PNPT1: variants seen among roughly 807,000 people sequenced by gnomAD.
PNPT1 encodes the protein polyribonucleotide nucleotidyltransferase 1.
In PNPT1, 53 loss-of-function variants were observed where a neutral mutation model predicts 119.5. That is an observed-to-expected ratio of 0.44 (90% CI 0.36 to 0.56). The LOEUF is 0.56. Among genes scored for constraint, PNPT1 ranks in the 20% least tolerant of loss-of-function variants. The probability of loss-of-function intolerance (pLI) is 0.00; values close to 1 mark genes in which losing one functional copy is unlikely to be tolerated. For synonymous variants in PNPT1, 357 were observed against 322.1 expected (o/e 1.11, Z -1.16); for missense variants, 948 against 938.5 (o/e 1.01, Z -0.13).
At chr2:55,654,843 A>C in intron 18 of PNPT1, 57 bp downstream of exon 18, 4 of 1,355,138 alleles carry the variant, frequency 3.0e-6, no homozygotes, top group Non-Finnish European at 3.9e-6. Context: ...CCCAAGGCTC[A>C]TGCCTGGGAT....
intron 11 of PNPT1, among the ~76,000 whole-genome samples, chr2:55,669,853 G>A (rs1019304182): frequency 1.3e-5 from 2 of 150,858 alleles, no homozygotes; most frequent in Non-Finnish European, 2.9e-5. Flanking sequence ...CTGCCTAACA[G>A]GTTCAAGTGA....
At chr2:55,647,110 G>A (rs750007919) in intron 19 of PNPT1, among the ~76,000 whole-genome samples, 5 of 152,052 alleles carry the variant, frequency 3.3e-5, no homozygotes, top group African/African-American at 9.7e-5. Context: ...ACTGTGCCTG[G>A]CCTATTACTA....
Position 55,644,889 on chromosome 2 carries a change from T to C in PNPT1, c.1823-169A>G, listed in dbSNP as rs1444418301. 4 of 463,378 alleles carry C rather than the reference T, an allele frequency of 8.6e-6. No homozygotes were observed. The South Asian group carries it at 2.1e-4, about 24-fold the overall frequency. 28.7% of individuals were successfully genotyped at this position (463,378 alleles called of 1,614,324 possible). ...AAAATTACTGAAAACTGTTAAAGAA[T>C]ATTCCCTAAAATTTAAAGCATTTTA... On this transcript the variant is annotated intron_variant, in intron 22 of 27. Coordinates refer to ENST00000447944, the MANE Select transcript of PNPT1 (RefSeq NM_033109.5).
intron 8 of PNPT1, among the ~76,000 whole-genome samples, chr2:55,678,152 G>A (rs964736412): frequency 7.9e-5 from 12 of 152,170 alleles, no homozygotes; most frequent in African/African-American, 2.9e-4. Context: ...GTAAAGTAAT[G>A]AGACTAGTTT....
chr2:55,670,413 C>T (rs981329753), intron 11 of PNPT1, among the ~76,000 whole-genome samples: 6 of 151,258 alleles, frequency 4.0e-5, no homozygotes, highest in Non-Finnish European at 8.8e-5. Context: ...GTCTCGATCT[C>T]TTGACCTCGT....
At chr2:55,668,745 A>G (rs1696815667) in intron 11 of PNPT1, among the ~76,000 whole-genome samples, 1 of 152,094 alleles carries the variant, frequency 6.6e-6, no homozygotes, top group Non-Finnish European at 1.5e-5. Flanking sequence ...GATTATAGGC[A>G]TGTGCCAACA....
chr2:55,687,452 G>A (rs1483395342), intron 2 of PNPT1, among the ~76,000 whole-genome samples, 193 bp downstream of exon 2: 2 of 150,526 alleles, frequency 1.3e-5, no homozygotes, highest in Non-Finnish European at 3.0e-5. Context: ...AAAAAAAATA[G>A]GTCACTTAAT....
At chr2:55,662,983 C>T (rs1216059186) in intron 13 of PNPT1, among the ~76,000 whole-genome samples, 4 of 151,562 alleles carry the variant, frequency 2.6e-5, no homozygotes, top group Admixed American at 1.3e-4. Flanking sequence ...TGGGTTCAGA[C>T]GATTCTCCTA....
At chr2:55,648,982 A>G (rs1487335234) in intron 18 of PNPT1, among the ~76,000 whole-genome samples, 1 of 129,170 alleles carries the variant, frequency 7.7e-6, no homozygotes, top group Non-Finnish European at 1.7e-5. Flanking sequence ...CATTTTCTCT[A>G]AGCAACCTCA....
intron 18 of PNPT1, among the ~76,000 whole-genome samples, chr2:55,651,773 TAAAAAAAAAAAA>T (rs57793636): frequency 1.6e-5 from 2 of 126,444 alleles, no homozygotes; most frequent in Non-Finnish European, 3.2e-5. Context: ...ATGATCAATT[TAAAAAAAAAAAA>T]AAAATTAAAA....
intron 26 of PNPT1, 82 bp from the exon 27 acceptor site, chr2:55,637,681 T>G: frequency 8.2e-7 from 1 of 1,218,630 alleles, no homozygotes. Context: ...TCCTCAAGCT[T>G]TATTAGTTTT....
intron 12 of PNPT1, among the ~76,000 whole-genome samples, chr2:55,667,581 G>C (rs1472683653): frequency 1.7e-5 from 2 of 118,858 alleles, no homozygotes; most frequent in Non-Finnish European, 3.4e-5. Context: ...GCGAGACTCT[G>C]TCTCAAAAAA....
intron 18 of PNPT1, 69 bp from the exon 19 acceptor site, chr2:55,647,522 A>ATT (rs764398532): frequency 2.7e-3 from 2,525 of 937,896 alleles, no homozygotes; most frequent in Middle Eastern, 3.5e-3. Context: ...TTATCTATCA[A>ATT]TTTTTTTTTT....
chr2:55,653,760 T>C (rs1336802420), intron 18 of PNPT1, among the ~76,000 whole-genome samples: 2 of 152,258 alleles, frequency 1.3e-5, no homozygotes, highest in African/African-American at 2.4e-5. Flanking sequence ...TCAATTTTTC[T>C]AGATAATATT....
At chr2:55,682,021 T>G (rs1413577078) in intron 5 of PNPT1, among the ~76,000 whole-genome samples, 2 of 151,768 alleles carry the variant, frequency 1.3e-5, no homozygotes, top group Admixed American at 1.3e-4. Flanking sequence ...CAGGTGCCTG[T>G]AGTCCCAGCT....
Position 55,671,347 on chromosome 2 carries a change from T to C in PNPT1, c.948A>G (p.Ile316Met). ...TTAGTTGTTCCTCCGTATCTAATCTTATTTTGTTAACAGCTTCATCTCTGG... is the reference window on the plus strand; with the variant it reads ...TTAGTTGTTCCTCCGTATCTAATCTCATTTTGTTAACAGCTTCATCTCTGG... ...KVSRDEAVNK[I>M]RLDTEEQLKE... Residue 316 changes from isoleucine to methionine, a missense_variant, in exon 11 of 28, where the codon ATA (isoleucine) becomes ATG (methionine). Ile to Met is a conservative substitution (Grantham distance 10, BLOSUM62 1). Transcript: ENST00000447944. 6.5e-7 allele frequency: 1 copy of C among 1,544,032 alleles called. No individual in the cohort carries two copies. Among genetic ancestry groups the C allele is most frequent in the Non-Finnish European group, 8.7e-7 (1 of 1,143,864 alleles).
intron 14 of PNPT1, 69 bp from the exon 15 acceptor site, chr2:55,660,262 A>C: frequency 1.4e-6 from 2 of 1,462,278 alleles, no homozygotes; most frequent in Non-Finnish European, 1.8e-6. Context: ...AACACAACTA[A>C]AACAGATTTA....
In PNPT1 at chr2:55,685,039, T is replaced by C; in HGVS notation, c.307A>G (p.Arg103Gly). ...SQFMPLVVDY[R>G]QKAAAAGRIP... is the part of the protein sequence containing the mutation. Reference sequence around the variant, plus strand: ...CTACCTGCTGCAGCAGCTTTTTGTCTGTAGTCAACCTGAAGCAGCAATAAA... The same window carrying C: ...CTACCTGCTGCAGCAGCTTTTTGTCCGTAGTCAACCTGAAGCAGCAATAAA... Residue 103 changes from arginine to glycine, a missense_variant, in exon 4 of 28, where the codon AGA becomes GGA. By Grantham distance (125) the Arg-to-Gly change is moderately radical. Coordinates refer to ENST00000447944, the MANE Select transcript of PNPT1 (RefSeq NM_033109.5). 6.3e-7 allele frequency: 1 copy of C among 1,588,160 alleles called. No individual in the cohort carries two copies. The highest frequency in any genetic ancestry group is 8.6e-7 in the Non-Finnish European group (1 of 1,162,078).
rs1202650771 is a variant in PNPT1 at position 55,667,955 on chromosome 2, T to C, written c.980A>G (p.Lys327Arg). ...TTCATATGGATCGGCTTCTGGAAAT[T>C]TTTCTATAGAAAAAAGACAAACCAA... ...RLDTEEQLKE[K>R]FPEADPYEII... The change falls in exon 12 of 28, where the codon AAA becomes AGA. Residue 327 changes from lysine to arginine, a missense_variant. Physicochemically the swap from Lys to Arg is conservative, Grantham distance 26 (BLOSUM62 2). Coordinates refer to ENST00000447944, the MANE Select transcript of PNPT1 (RefSeq NM_033109.5). 1 of 1,577,064 alleles carries C rather than the reference T, an allele frequency of 6.3e-7. No individual in the cohort carries two copies. The highest frequency in any genetic ancestry group is 1.4e-5 in the African/African-American group (1 of 71,956).
Sources: allele counts gnomAD v4.1 joint callset (sites outside exome capture counted in the v4.1 genomes callset), GRCh38; gene constraint gnomAD v4.1.1; transcripts MANE v1.5; gene names NCBI Gene and HGNC (gene_info 2026-07-23, HGNC 2026-07-21).